Variants in BLTP1 observed in about 807,000 individuals in gnomAD.
BLTP1 encodes bridge-like lipid transfer protein family member 1.
chr4:122,251,206 A>C, the BLTP1 span: 1 of 857,554 alleles, frequency 1.2e-6, no homozygotes, highest in South Asian at 5.4e-5. Context: ...AGCGTTGTGA[A>C]GACTGAAGCA....
chr4:122,201,054 A>G, the BLTP1 span: 1 of 1,613,720 alleles, frequency 6.2e-7, no homozygotes, highest in African/African-American at 1.3e-5. Context: ...CATGCCGCAG[A>G]CATGGCAGTG....
the BLTP1 span, chr4:122,331,755 A>C: frequency 2.0e-6 from 2 of 979,620 alleles, no homozygotes; most frequent in Non-Finnish European, 1.2e-6. Flanking sequence ...TGTCTGACTT[A>C]GATTTTTGCA....
the BLTP1 span, chr4:122,196,781 C>A: frequency 6.5e-7 from 1 of 1,529,924 alleles, no homozygotes; most frequent in Non-Finnish European, 8.9e-7. Context: ...TTGCTGTTTA[C>A]CAAAAATAGG....
At chr4:122,238,339 T>A in the BLTP1 span, 2 of 1,613,894 alleles carry the variant, frequency 1.2e-6, no homozygotes, top group South Asian at 2.2e-5. Context: ...AAAGAGATGA[T>A]GGCCAAGCAA....
chr4:122,186,239 G>A, the BLTP1 span: 3 of 1,589,518 alleles, frequency 1.9e-6, no homozygotes, highest in East Asian at 2.3e-5. Context: ...TATCATACTT[G>A]AATTTTATTA....
the BLTP1 span, chr4:122,247,393 T>C: frequency 6.2e-7 from 1 of 1,607,060 alleles, no homozygotes; most frequent in Non-Finnish European, 8.5e-7. Context: ...TTTCTTGGCA[T>C]ATATAAATGT....
the BLTP1 span, chr4:122,254,462 G>A: frequency 7.8e-7 from 1 of 1,286,220 alleles, no homozygotes; most frequent in Non-Finnish European, 1.0e-6. Context: ...TATTAAGGTT[G>A]CAACTTTTTC....
At chr4:122,314,947 T>C in the BLTP1 span, among the ~76,000 whole-genome samples, 1 of 152,086 alleles carries the variant, frequency 6.6e-6, no homozygotes, top group Non-Finnish European at 1.5e-5. Context: ...TCACCAAGAC[T>C]CTTTGTAGCT....
chr4:122,280,339 A>G, the BLTP1 span, among the ~76,000 whole-genome samples: 12 of 152,322 alleles, frequency 7.9e-5, no homozygotes, highest in African/African-American at 2.9e-4. Context: ...GACTGCACAG[A>G]TTTAAGAAAG....
chr4:122,215,278 C>T, the BLTP1 span: 19 of 816,566 alleles, frequency 2.3e-5, no homozygotes, highest in Admixed American at 6.2e-5. Context: ...CCAAGGGTAT[C>T]TTTTTTCTTT....
At chr4:122,230,269 A>C in the BLTP1 span, 5 of 1,407,726 alleles carry the variant, frequency 3.6e-6, no homozygotes, top group East Asian at 1.1e-4. Context: ...AAAACTAGAT[A>C]ATTGTAGAGG....
At chr4:122,333,815 A>C in the BLTP1 span, 1 of 1,606,730 alleles carries the variant, frequency 6.2e-7, no homozygotes, top group Non-Finnish European at 8.5e-7. Context: ...TAAAGGTAAA[A>C]ACCCAATTGC....
At chr4:122,206,962 C>G in the BLTP1 span, 1 of 593,276 alleles carries the variant, frequency 1.7e-6, no homozygotes, top group Non-Finnish European at 2.8e-6. Context: ...TAAATACATC[C>G]TAATCACCTT....
the BLTP1 span, among the ~76,000 whole-genome samples, chr4:122,220,039 T>C: frequency 6.6e-6 from 1 of 152,144 alleles, no homozygotes; most frequent in African/African-American, 2.4e-5. Flanking sequence ...GGACCTGTTC[T>C]GGCTGACATG....
At chr4:122,344,322 A>G in the BLTP1 span, 22 of 1,535,476 alleles carry the variant, frequency 1.4e-5, no homozygotes, top group Non-Finnish European at 1.9e-5. Context: ...CTAACTAGAC[A>G]GCTGTGTGTA....
chr4:122,208,303 A>G, the BLTP1 span: 50 of 736,962 alleles, frequency 6.8e-5, no homozygotes, highest in Admixed American at 1.3e-4. Context: ...GTAACTCATC[A>G]TACAACTAGA....
chr4:122,343,512 C>T, the BLTP1 span: 1 of 1,614,018 alleles, frequency 6.2e-7, no homozygotes. Flanking sequence ...AGCTTCACTG[C>T]ATGCATGTCT....
chr4:122,189,244 CA>C, the BLTP1 span: 15 of 924,566 alleles, frequency 1.6e-5, no homozygotes, highest in Non-Finnish European at 1.9e-5. Flanking sequence ...AAAAAAATTG[CA>C]AGTTTTTGCA....
the BLTP1 span, among the ~76,000 whole-genome samples, chr4:122,342,515 C>T: frequency 1.3e-5 from 2 of 151,986 alleles, no homozygotes; most frequent in East Asian, 3.9e-4. Context: ...GCCACCACGC[C>T]CGGCTAGTTT....
Sources: gnomAD v4.1 joint callset for allele counts (sites outside exome capture counted in the v4.1 genomes callset) on GRCh38, gnomAD v4.1.1 for gene constraint, MANE v1.5 for transcripts, NCBI Gene and HGNC (gene_info 2026-07-23, HGNC 2026-07-21) for gene names.